Variants in RBBP4 observed in about 807,000 individuals in gnomAD.
RBBP4 encodes RB binding protein 4, chromatin remodeling factor.
Under a neutral mutation model 57.2 loss-of-function variants are expected in RBBP4, and 3 were observed. That is an observed-to-expected ratio of 0.05 (90% CI 0.02 to 0.14). The LOEUF (loss-of-function observed/expected upper bound fraction) is 0.14. Among genes scored for constraint, RBBP4 ranks in the 10% least tolerant of loss-of-function variants. RBBP4 has a pLI of 1.00. For missense variants in RBBP4, 107 were observed against 520.6 expected (o/e 0.21, Z 7.73); for synonymous variants, 151 against 171.5 (o/e 0.88, Z 0.93).
At chr1:32,659,680 G>A (rs1648315912) in intron 3 of RBBP4, among the ~76,000 whole-genome samples, 1 of 152,202 alleles carries the variant, frequency 6.6e-6, no homozygotes, top group African/African-American at 2.4e-5. Context: ...CAACAAATAT[G>A]TTGAGTAATT....
At chr1:32,661,742 G>A (rs905031637) in intron 3 of RBBP4, among the ~76,000 whole-genome samples, 1 of 151,394 alleles carries the variant, frequency 6.6e-6, no homozygotes, top group East Asian at 1.9e-4. Context: ...CATTCTGACT[G>A]GTGTGAGAGG....
rs566733950 is a variant in RBBP4, at chr1:32,675,626, G to T, written c.1212+2725G>T. ...CTACTAAAAATACAAAAAATTAGCC[G>T]GGCGTGGTGGCGGGCGCCTGTAGTC... is the stretch of plus-strand genomic sequence containing the variant. On this transcript the variant is annotated intron_variant, in intron 11 of 11. Coordinates refer to ENST00000373493, the MANE Select transcript of RBBP4 (RefSeq NM_005610.3). Among the ~76,000 whole-genome samples, 85 of 151,748 alleles carry T rather than the reference G, an allele frequency of 5.6e-4. 1 individual carries two copies. The South Asian group carries it at 0.017, about 31-fold the overall frequency.
chr1:32,657,620 G>A (rs1648199603), intron 3 of RBBP4, 48 bp downstream of exon 3: 2 of 1,561,986 alleles, frequency 1.3e-6, no homozygotes. Context: ...GGTCATATCT[G>A]TTATGTGCAC....
chr1:32,681,912 A>G lies in RBBP4; in HGVS notation c.*2207A>G. 1 of 1,503,208 alleles carries G rather than the reference A, an allele frequency of 6.7e-7. No homozygotes were observed. The highest frequency in any genetic ancestry group is 9.3e-7 in the Non-Finnish European group (1 of 1,079,658). The allele number at this position is 1,503,208 out of a possible 1,614,324, so 93.1% of individuals were successfully genotyped here. ...AACAGTGAACTTCTGAGGTTTAGTT[A>G]CTGCAGGCTTTGTTGAGAAGAGATT... On this transcript the variant is annotated 3_prime_UTR_variant, in exon 12 of 12. Coordinates refer to ENST00000373493, the MANE Select transcript of RBBP4 (RefSeq NM_005610.3).
chr1:32,676,509 C>G (rs1327845460), intron 11 of RBBP4, among the ~76,000 whole-genome samples: 1 of 151,350 alleles, frequency 6.6e-6, no homozygotes, highest in East Asian at 1.9e-4. Flanking sequence ...ACTTGGGAGG[C>G]TGAGGCAGGA....
intron 3 of RBBP4, among the ~76,000 whole-genome samples, chr1:32,667,410 T>C (rs1648699840): frequency 1.3e-5 from 2 of 152,194 alleles, no homozygotes; most frequent in South Asian, 4.1e-4. Context: ...TGTGACTTGC[T>C]TGACCTTATC....
At chr1:32,651,763 A>G (rs1045403107) in intron 1 of RBBP4, 151 bp from the exon 2 acceptor site, 19 of 982,978 alleles carry the variant, frequency 1.9e-5, no homozygotes, top group Middle Eastern at 3.3e-4. Flanking sequence ...CGGCGCCGCG[A>G]AAGTGGAGAG....
At position 32,669,733 on chromosome 1, in the gene RBBP4, A is replaced by G. The variant is rs1318446854; in HGVS notation, c.966+170A>G. Among the ~76,000 whole-genome samples, 1 of 152,132 alleles carries G rather than the reference A, an allele frequency of 6.6e-6. No homozygotes were observed. Among genetic ancestry groups the G allele is most frequent in the African/African-American group, 2.4e-5 (1 of 41,444 alleles). On this transcript the variant is annotated intron_variant, in intron 8 of 11. Coordinates refer to ENST00000373493, the MANE Select transcript of RBBP4 (RefSeq NM_005610.3). The surrounding 1 kb of genome is among the most constrained non-coding windows in gnomAD (Gnocchi z 4.9). ...GTGAAACCCTGTCTCTACTAAAAATATAAAAAATTAGCCGGGCATGGTGGC... is the reference window on the plus strand; with the variant it reads ...GTGAAACCCTGTCTCTACTAAAAATGTAAAAAATTAGCCGGGCATGGTGGC...
In RBBP4 at chr1:32,684,460, C is replaced by CT; in HGVS notation, c.*4761dup. The CT allele has an allele frequency of 6.3e-7, 1 of 1,593,938 alleles. No individual in the cohort carries two copies. Among genetic ancestry groups the CT allele is most frequent in the Non-Finnish European group, 8.6e-7 (1 of 1,168,976 alleles). On this transcript the variant is annotated 3_prime_UTR_variant, in exon 12 of 12. Transcript: ENST00000373493. The stretch of plus-strand genomic sequence containing the variant: ...ATTGTCCACTCTTACTTATAAAACA[C>CT]TTTTTTGTTCATTGTTTAATCTTGA...
intron 3 of RBBP4, among the ~76,000 whole-genome samples, chr1:32,661,217 C>G (rs527579195): frequency 6.6e-6 from 1 of 151,096 alleles, no homozygotes; most frequent in Non-Finnish European, 1.5e-5. Flanking sequence ...GTGCACGTGT[C>G]TTTTTTGTAG....
intron 3 of RBBP4, 44 bp downstream of exon 3, chr1:32,657,616 A>G: frequency 6.3e-7 from 1 of 1,591,412 alleles, no homozygotes; most frequent in Non-Finnish European, 8.6e-7. Flanking sequence ...TGTGGGTCAT[A>G]TCTGTTATGT....
chr1:32,655,188 A>G (rs77865807), intron 2 of RBBP4, among the ~76,000 whole-genome samples: 10,958 of 151,518 alleles, frequency 0.072, 1,317 homozygotes, highest in African/African-American at 0.25. Flanking sequence ...TGTTGTCCAG[A>G]CTGTTCTTTA....
chr1:32,663,399 A>C (rs925688391), intron 3 of RBBP4, among the ~76,000 whole-genome samples: 3 of 152,178 alleles, frequency 2.0e-5, no homozygotes, highest in African/African-American at 4.8e-5. Flanking sequence ...GCCTTTTCGC[A>C]TAACAGCTTC....
chr1:32,673,894 C>G (rs1273337823), intron 11 of RBBP4, among the ~76,000 whole-genome samples: 1 of 151,948 alleles, frequency 6.6e-6, no homozygotes, highest in Non-Finnish European at 1.5e-5. Flanking sequence ...GTCAGGAGAT[C>G]GAGACCATCC....
chr1:32,654,033 T>A (rs1648029518), intron 2 of RBBP4, among the ~76,000 whole-genome samples: 1 of 152,014 alleles, frequency 6.6e-6, no homozygotes. Flanking sequence ...TTCAGGATAA[T>A]TGGAATCATT....
At chr1:32,652,208 C>G (rs1647783153) in intron 2 of RBBP4, 147 bp downstream of exon 2, 1 of 887,502 alleles carries the variant, frequency 1.1e-6, no homozygotes, top group Non-Finnish European at 1.7e-6. Flanking sequence ...CAAAGTAAGG[C>G]AAAATAACAA....
chr1:32,655,462 A>T (rs1648098437), intron 2 of RBBP4, among the ~76,000 whole-genome samples: 1 of 152,182 alleles, frequency 6.6e-6, no homozygotes, highest in Admixed American at 6.5e-5. Context: ...GTTCTTGTCT[A>T]ACCTTCTACA....
intron 1 of RBBP4, chr1:32,651,618 C>A (rs1011398846): frequency 3.5e-6 from 3 of 847,362 alleles, no homozygotes; most frequent in Non-Finnish European, 5.2e-6. Context: ...CGCTTCCTAC[C>A]CACAAGGCTC....
chr1:32,654,244 C>T (rs1055928023), intron 2 of RBBP4, among the ~76,000 whole-genome samples: 1 of 152,050 alleles, frequency 6.6e-6, no homozygotes, highest in Non-Finnish European at 1.5e-5. Context: ...CATGGTGGTG[C>T]GTACCTGTTA....
Sources: gnomAD v4.1 joint callset for allele counts (sites outside exome capture counted in the v4.1 genomes callset) on GRCh38, gnomAD v4.1.1 for gene constraint, Gnocchi (gnomAD v3.1) non-coding constraint, MANE v1.5 for transcripts, NCBI Gene and HGNC (gene_info 2026-07-23, HGNC 2026-07-21) for gene names.